RSAD2: variants seen among roughly 807,000 people sequenced by gnomAD.
RSAD2 encodes the protein radical S-adenosyl methionine domain containing 2.
RSAD2 carries 38 observed loss-of-function variants against 37.7 expected under a neutral mutation model. That is an observed-to-expected ratio of 1.01 (90% CI 0.78 to 1.32). RSAD2 has a LOEUF of 1.32. RSAD2 is among the 40% of genes most tolerant of loss of function. RSAD2 has a pLI of 0.00. For missense variants in RSAD2, 428 were observed against 437.5 expected, an observed-to-expected ratio of 0.98 and a Z score of 0.19; for synonymous variants, 163 against 157.4, an observed-to-expected ratio of 1.04 and a Z score of -0.27.
chr2:6,897,090 G>A lies in RSAD2; in HGVS notation c.*1148G>A, dbSNP rs917860249. The A allele has an allele frequency of 6.6e-6, 1 of 152,096 alleles. No homozygotes were observed. The highest frequency in any genetic ancestry group is 2.4e-5 in the African/African-American group (1 of 41,402). 9.4% of individuals were successfully genotyped at this position (152,096 alleles called of 1,614,324 possible). On this transcript the variant is annotated 3_prime_UTR_variant, in exon 6 of 6. Coordinates refer to ENST00000382040, the MANE Select transcript of RSAD2 (RefSeq NM_080657.5). ...ATGAACTCTGAGTCAGTTGAAATAG[G>A]GTACCATCTAGGTCAGTTTAAGAAG...
intron 1 of RSAD2, among the ~76,000 whole-genome samples, chr2:6,872,095 G>A (rs773288419): frequency 2.0e-5 from 3 of 151,970 alleles, no homozygotes; most frequent in East Asian, 1.9e-4. Flanking sequence ...ATTAACTTTC[G>A]GTAATGGTTA....
Position 6,896,060 on chromosome 2 carries a change from G to T in RSAD2, c.*118G>T, listed in dbSNP as rs779013149. 70 of 942,966 alleles carry T rather than the reference G, an allele frequency of 7.4e-5. No homozygotes were observed. The highest frequency in any genetic ancestry group is 9.3e-5 in the Non-Finnish European group (59 of 637,332). The allele number at this position is 942,966 out of a possible 1,614,324, so 58.4% of individuals were successfully genotyped here. ...GTGGCTGAAAACCTGATTTTCTGCTGCACGTGGCATCTGATTACCTGTGGT... is the reference window on the plus strand; with the variant it reads ...GTGGCTGAAAACCTGATTTTCTGCTTCACGTGGCATCTGATTACCTGTGGT... On this transcript the variant is annotated 3_prime_UTR_variant, in exon 6 of 6. Transcript: ENST00000382040.
At chr2:6,891,626 G>A (rs888111397) in intron 4 of RSAD2, among the ~76,000 whole-genome samples, 2 of 152,122 alleles carry the variant, frequency 1.3e-5, no homozygotes, top group African/African-American at 4.8e-5. Context: ...AATTAGCCGG[G>A]CGTGGTTGCG....
intron 1 of RSAD2, among the ~76,000 whole-genome samples, chr2:6,866,203 G>A (rs1663086009): frequency 6.6e-6 from 1 of 152,248 alleles, no homozygotes; most frequent in Non-Finnish European, 1.5e-5. Flanking sequence ...ACGCCCACTT[G>A]CAGGCGCACT....
At chr2:6,878,745 C>T (rs774440303) in intron 1 of RSAD2, 57 of 877,030 alleles carry the variant, frequency 6.5e-5, no homozygotes, top group African/African-American at 5.0e-4. Context: ...GAACTCAGCA[C>T]GTGACCTTCG....
upstream of RSAD2, among the ~76,000 whole-genome samples, chr2:6,875,199 AG>A (rs1162926062): frequency 6.6e-6 from 1 of 152,180 alleles, no homozygotes; most frequent in Non-Finnish European, 1.5e-5. Context: ...ACTGTTTTCA[AG>A]TTCTGGTTTT....
At chr2:6,867,141 C>A (rs560470371) in intron 1 of RSAD2, among the ~76,000 whole-genome samples, 1 of 152,302 alleles carries the variant, frequency 6.6e-6, no homozygotes, top group East Asian at 1.9e-4. Context: ...CCTGCTTGAC[C>A]TTTTCCCTAT....
At chr2:6,888,022 T>C (rs986206935) in intron 3 of RSAD2, among the ~76,000 whole-genome samples, 6 of 152,184 alleles carry the variant, frequency 3.9e-5, no homozygotes, top group African/African-American at 9.7e-5. Context: ...AGGCTTCATA[T>C]AGGAGGAAGC....
intron 2 of RSAD2, among the ~76,000 whole-genome samples, chr2:6,885,030 C>A (rs1162669212): frequency 6.6e-6 from 1 of 152,096 alleles, no homozygotes; most frequent in African/African-American, 2.4e-5. Context: ...TGTTTTAGGG[C>A]CTCACTACCT....
chr2:6,889,890 CA>C (rs1310533490), intron 3 of RSAD2, among the ~76,000 whole-genome samples: 3 of 152,076 alleles, frequency 2.0e-5, no homozygotes, highest in Non-Finnish European at 4.4e-5. Flanking sequence ...TATATTTTTT[CA>C]ATAAGTACCT....
intron 5 of RSAD2, among the ~76,000 whole-genome samples, chr2:6,895,389 C>T (rs1412542532): frequency 6.6e-6 from 1 of 152,256 alleles, no homozygotes; most frequent in African/African-American, 2.4e-5. Flanking sequence ...TTCCCCAGTA[C>T]ATCATGCTAT....
At chr2:6,887,831 T>G (rs186535861) in intron 3 of RSAD2, among the ~76,000 whole-genome samples, 3 of 152,360 alleles carry the variant, frequency 2.0e-5, no homozygotes, top group African/African-American at 7.2e-5. Context: ...AAGGTAAGCA[T>G]AGCAGGGAGG....
chr2:6,871,645 A>G (rs1237131441), intron 1 of RSAD2, among the ~76,000 whole-genome samples: 1 of 152,210 alleles, frequency 6.6e-6, no homozygotes, highest in South Asian at 2.1e-4. Flanking sequence ...TACCCGACTC[A>G]TGGCTCAAGT....
At chr2:6,874,225 C>T (rs1558332665), upstream of RSAD2, among the ~76,000 whole-genome samples, 1 of 152,166 alleles carries the variant, frequency 6.6e-6, no homozygotes, top group East Asian at 1.9e-4. Context: ...CCTGAGGCCT[C>T]CCCAGAAGCC....
chr2:6,893,226 T>G (rs1663666268), intron 4 of RSAD2, among the ~76,000 whole-genome samples: 1 of 133,240 alleles, frequency 7.5e-6, no homozygotes, highest in Non-Finnish European at 1.6e-5. Context: ...AGGGTAATAA[T>G]AAAATCCTCA....
Position 6,887,005 on chromosome 2 carries a change from T to C in RSAD2, c.579T>C (p.Arg193=), listed in dbSNP as rs2103245664. Residue 193 remains arginine, a synonymous_variant, in exon 3 of 6, where the codon CGT becomes CGC. Transcript: ENST00000382040. ...AGGAAGTCAATGTCCTTATTGGCCG[T>C]GGCCAAGGAAAGAAGAACCATGTGG... ...FDEEVNVLIG[R]GQGKKNHVEN... The C allele has an allele frequency of 6.2e-7, 1 of 1,614,172 alleles. No homozygotes were observed. Among genetic ancestry groups the C allele is most frequent in the South Asian group, 1.1e-5 (1 of 91,080 alleles).
intron 4 of RSAD2, among the ~76,000 whole-genome samples, chr2:6,891,364 T>C (rs1558338207): frequency 6.6e-6 from 1 of 152,242 alleles, no homozygotes; most frequent in Non-Finnish European, 1.5e-5. Flanking sequence ...TTGCTAACTT[T>C]ATAACCTTTA....
At chr2:6,866,590 C>G in intron 1 of RSAD2, 2 of 359,050 alleles carry the variant, frequency 5.6e-6, no homozygotes, top group Non-Finnish European at 7.8e-6. Context: ...CTCTGCCTGC[C>G]ACAGTCCAGC....
chr2:6,873,504 A>G (rs1314567026), upstream of RSAD2, among the ~76,000 whole-genome samples: 1 of 152,232 alleles, frequency 6.6e-6, no homozygotes, highest in Non-Finnish European at 1.5e-5. Context: ...TAACTGGCCT[A>G]GTAAACTAAG....
Sources: gnomAD v4.1 joint callset for allele counts (sites outside exome capture counted in the v4.1 genomes callset) on GRCh38, gnomAD v4.1.1 for gene constraint, MANE v1.5 for transcripts, NCBI Gene and HGNC (gene_info 2026-07-23, HGNC 2026-07-21) for gene names.